SLC12A4: variants seen among roughly 807,000 people sequenced by gnomAD.
SLC12A4 encodes electroneutral potassium-chloride cotransporter 1.
Under a neutral mutation model 119.2 loss-of-function variants are expected in SLC12A4, and 84 were observed. That is an observed-to-expected ratio of 0.70 (90% CI 0.59 to 0.85). The LOEUF is 0.85. Among genes scored for constraint, SLC12A4 ranks in the 40% least tolerant of loss-of-function variants. The pLI is 0.00. For synonymous variants in SLC12A4, 599 were observed against 604.6 expected (o/e 0.99, Z 0.14); for missense variants, 1,298 against 1,476.3 (o/e 0.88, Z 1.98).
intron 1 of SLC12A4, chr16:67,966,768 C>A (rs1355846785): frequency 1.3e-6 from 2 of 1,551,460 alleles, no homozygotes; most frequent in South Asian, 2.4e-5. Flanking sequence ...CTCAGGGTGT[C>A]CCCCATCCTG....
chr16:67,955,498 G>C (rs2030204578), intron 5 of SLC12A4, among the ~76,000 whole-genome samples: 2 of 152,200 alleles, frequency 1.3e-5, no homozygotes, highest in African/African-American at 4.8e-5. Context: ...GGGGTGAGTG[G>C]ATTGCTTGAG....
At position 67,965,529 on chromosome 16, in the gene SLC12A4, A is replaced by C. The variant is rs1406415058; in HGVS notation, c.116-1970T>G. 2.6e-5 allele frequency among the ~76,000 whole-genome samples: 4 copies of C among 152,270 alleles called. No homozygotes were observed. The South Asian group carries it at 8.3e-4, about 32-fold the overall frequency. Reference sequence around the variant, plus strand: ...GAGAGTAACAATCACTTGGGGAGACACTTTTGTTGGCTATTTCTTCTGATT... The same window carrying C: ...GAGAGTAACAATCACTTGGGGAGACCCTTTTGTTGGCTATTTCTTCTGATT... On this transcript the variant is annotated intron_variant, in intron 1 of 23. Transcript: ENST00000316341.
rs1009420700 is a variant in SLC12A4, at chr16:67,949,317, G to C, written c.1748+483C>G. Among the ~76,000 whole-genome samples the C allele has an allele frequency of 1.4e-4, 21 of 152,208 alleles. No homozygotes were observed. The highest frequency in any genetic ancestry group is 4.8e-4 in the African/African-American group (20 of 41,526). Reference sequence around the variant, plus strand: ...ATACAAAAAATTAGCTGGGCGTGGTGGTGCATTTCTGTAATCCCAGCTACT... The same window carrying C: ...ATACAAAAAATTAGCTGGGCGTGGTCGTGCATTTCTGTAATCCCAGCTACT... On this transcript the variant is annotated intron_variant, in intron 13 of 23. Coordinates refer to ENST00000316341, the MANE Select transcript of SLC12A4 (RefSeq NM_005072.5). This position sits in a 1 kb window ranked among gnomAD's most constrained non-coding sequence, Gnocchi z 4.6.
intron 5 of SLC12A4, among the ~76,000 whole-genome samples, chr16:67,957,234 A>G (rs1444333951): frequency 1.3e-5 from 2 of 150,278 alleles, no homozygotes; most frequent in Non-Finnish European, 3.0e-5. Context: ...CAGTGGTGCA[A>G]TCTCGGCTCA....
At position 67,945,519 on chromosome 16, in the gene SLC12A4, C is replaced by T. The variant is rs142683701; in HGVS notation, c.2882G>A (p.Arg961Gln). ...QLVKDRHSAL[R>Q]LESLYSDEED... ...CTCGTCCGAGTACAGGCTCTCCAGC[C>T]GCAGGGCCGAGTGCCGATCCTTGAC... The change falls in exon 22 of 24, where the codon CGG (arginine) becomes CAG (glutamine). Residue 961 changes from arginine to glutamine, a missense_variant. Physicochemically the swap from Arg to Gln is conservative, Grantham distance 43 (BLOSUM62 1). Coordinates refer to ENST00000316341, the MANE Select transcript of SLC12A4 (RefSeq NM_005072.5). 3.6e-4 allele frequency: 583 copies of T among 1,613,958 alleles called. 1 individual carries two copies. Among genetic ancestry groups the T allele is most frequent in the Non-Finnish European group, 4.7e-4 (554 of 1,179,978 alleles).
At chr16:67,947,277 G>A (rs978800229) in intron 16 of SLC12A4, 54 bp downstream of exon 16, 21 of 1,566,366 alleles carry the variant, frequency 1.3e-5, no homozygotes, top group Admixed American at 5.3e-5. Context: ...CTCTGACCCC[G>A]ACAGCGACCC....
Position 67,946,587 on chromosome 16 carries a change from T to C in SLC12A4, c.2288A>G (p.Gln763Arg). The C allele has an allele frequency of 6.2e-7, 1 of 1,613,186 alleles. No individual in the cohort carries two copies. The highest frequency in any genetic ancestry group is 8.5e-7 in the Non-Finnish European group (1 of 1,179,982). ...CCGCACCTTGCTGGCCACCACCACC[T>C]GGCAGAAGCCCTTCACCTTCTCAAT... ...MEIEKVKGFC[Q>R]VVVASKVREG... is the part of the protein sequence containing the mutation. The change falls in exon 18 of 24, where the codon CAG becomes CGG. Residue 763 changes from glutamine (Q) to arginine (R), a missense_variant. Transcript: ENST00000316341.
chr16:67,954,856 C>T (rs2030162572), intron 5 of SLC12A4, 83 bp from the exon 6 acceptor site: 1 of 1,549,360 alleles, frequency 6.5e-7, no homozygotes, highest in Non-Finnish European at 8.8e-7. Context: ...TGCACAACCA[C>T]CCAGAGGGAC....
intron 1 of SLC12A4, among the ~76,000 whole-genome samples, chr16:67,965,456 C>T (rs1052822624): frequency 6.6e-6 from 1 of 152,224 alleles, no homozygotes; most frequent in African/African-American, 2.4e-5. Flanking sequence ...CACCATCTGT[C>T]TCACCTGAGT....
chr16:67,959,829 G>T (rs889548553), intron 3 of SLC12A4, among the ~76,000 whole-genome samples: 2 of 152,202 alleles, frequency 1.3e-5, no homozygotes, highest in Admixed American at 1.3e-4. Flanking sequence ...CAGCTGCTGG[G>T]GAGAGGCTGC....
At chr16:67,968,373 C>T (rs1718299256) in intron 1 of SLC12A4, 66 bp downstream of exon 1, 3 of 1,420,156 alleles carry the variant, frequency 2.1e-6, no homozygotes, top group Admixed American at 4.9e-5. Flanking sequence ...GGGCGCGGGC[C>T]CGGGATGGCG....
In SLC12A4 at chr16:67,950,140, G is replaced by T; in HGVS notation, c.1629+179C>A. 1.3e-6 allele frequency: 1 copy of T among 750,046 alleles called. No individual in the cohort carries two copies. The highest frequency in any genetic ancestry group is 2.1e-6 in the Non-Finnish European group (1 of 469,902). The allele number at this position is 750,046 out of a possible 1,614,324, so 46.5% of individuals were successfully genotyped here. A position where few individuals can be genotyped will look rare whatever the true frequency, so the allele number is the denominator to read the frequency against. The stretch of plus-strand genomic sequence containing the variant: ...GCCATGAAGATTCTGGGTCCAGGCA[G>T]CTCCAGGCCCAGGTGAGTGCCAGGC... On this transcript the variant is annotated intron_variant, in intron 12 of 23. Transcript: ENST00000316341. The surrounding 1 kb of genome is among the most constrained non-coding windows in gnomAD (Gnocchi z 4.3).
chr16:67,950,857 C>T lies in SLC12A4; in HGVS notation c.1396+105G>A. The stretch of plus-strand genomic sequence containing the variant: ...GTGCATGTGTGCATGAGAAGGGGAG[C>T]TATATATGAGTGTGTGGGGTGTCTG... On this transcript the variant is annotated intron_variant, in intron 10 of 23. Coordinates refer to ENST00000316341, the MANE Select transcript of SLC12A4 (RefSeq NM_005072.5). The surrounding 1 kb of genome is among the most constrained non-coding windows in gnomAD (Gnocchi z 4.3). The T allele has an allele frequency of 7.0e-7, 1 of 1,427,316 alleles. No homozygotes were observed. The highest frequency in any genetic ancestry group is 9.8e-7 in the Non-Finnish European group (1 of 1,024,384). 88.4% of individuals were successfully genotyped at this position (1,427,316 alleles called of 1,614,324 possible). A position where few individuals can be genotyped will look rare whatever the true frequency, so the allele number is the denominator to read the frequency against.
chr16:67,945,957 C>T lies in SLC12A4; in HGVS notation c.2733G>A (p.Val911=), dbSNP rs763361272. 6.2e-6 allele frequency: 10 copies of T among 1,613,488 alleles called. No individual in the cohort carries two copies. The Middle Eastern group carries it at 9.9e-4, about 160-fold the overall frequency. The change falls in exon 20 of 24, where the codon GTG becomes GTA. Residue 911 remains valine (V), a synonymous_variant. Transcript: ENST00000316341. The part of the protein sequence containing the change: ...HLRLEAEVEV[V]EMHNSDISAY... The stretch of plus-strand genomic sequence containing the variant: ...GGCAGGGCAGAGGGCTCACCATCTC[C>T]ACCACCTCCACCTCGGCCTCAAGGC...
chr16:67,944,909 C>A lies in SLC12A4; in HGVS notation c.3189G>T (p.Leu1063=). 6.2e-7 allele frequency: 1 copy of A among 1,613,460 alleles called. No homozygotes were observed. The highest frequency in any genetic ancestry group is 8.5e-7 in the Non-Finnish European group (1 of 1,180,018). Residue 1063 remains leucine (L), a synonymous_variant, in exon 24 of 24, where the codon CTG becomes CTT. Transcript: ENST00000316341. The surrounding 1 kb of genome is among the most constrained non-coding windows in gnomAD (Gnocchi z 6.6). ...DENYMEFLEV[L]TEGLERVLLV... is the part of the protein sequence containing the mutation. ...ACAGCACCCGCTCAAGGCCCTCGGT[C>A]AGCACCTCGAGGAACTCCATGTCTG...
At position 67,950,427 on chromosome 16, in the gene SLC12A4, G is replaced by A. The variant is rs117349640; in HGVS notation, c.1521C>T (p.Ile507=). ...GTLAWPSPWV[I]VIGSFFSTCG... ...ACGTTGAAAAGAAGGAGCCGATGAC[G>A]ATGACCCAGGGTGAAGGCCAGGCCA... is the stretch of plus-strand genomic sequence containing the variant. The change falls in exon 12 of 24, where the codon ATC becomes ATT. Residue 507 remains isoleucine, a synonymous_variant. Transcript: ENST00000316341. This position sits in a 1 kb window ranked among gnomAD's most constrained non-coding sequence, Gnocchi z 4.3. The A allele has an allele frequency of 5.9e-4, 954 of 1,614,026 alleles. 11 individuals are homozygous for A. In the East Asian group the frequency reaches 0.019, roughly 32 times the overall value.
chr16:67,946,915 T>A (rs1165905274), intron 17 of SLC12A4, 22 bp downstream of exon 17: 1 of 1,608,670 alleles, frequency 6.2e-7, no homozygotes, highest in Non-Finnish European at 8.5e-7. Context: ...CTGGCTCAGC[T>A]CTCCCTCCCC....
chr16:67,968,367 G>GCGGGCCCGGGATGGCGGCCC (rs1479021539), intron 1 of SLC12A4, 72 bp downstream of exon 1: 12 of 1,349,964 alleles, frequency 8.9e-6, no homozygotes, highest in Non-Finnish European at 1.2e-5. Context: ...AGGTGCGGGC[G>GCGGGCCCGGGATGGCGGCCC]CGGGCCCGGG....
intron 3 of SLC12A4, 84 bp from the exon 4 acceptor site, chr16:67,958,128 C>T: frequency 3.3e-6 from 5 of 1,492,850 alleles, no homozygotes; most frequent in Non-Finnish European, 4.5e-6. Context: ...CAGCAGGCCC[C>T]CTCCCCCAGT....
Sources: allele counts gnomAD v4.1 joint callset (sites outside exome capture counted in the v4.1 genomes callset), GRCh38; gene constraint gnomAD v4.1.1; non-coding constraint Gnocchi (gnomAD v3.1); transcripts MANE v1.5; gene names NCBI Gene and HGNC (gene_info 2026-07-23, HGNC 2026-07-21).